SGCD: variants seen among roughly 807,000 people sequenced by gnomAD.
The protein encoded by SGCD is sarcoglycan delta.
SGCD carries 18 observed loss-of-function variants against 36.6 expected under a neutral mutation model. The ratio of observed to expected loss-of-function variants is 0.49; its 90% CI spans 0.34 to 0.73. The LOEUF (loss-of-function observed/expected upper bound fraction) is 0.73, where lower values mean the gene tolerates loss of function less well. SGCD is among the 30% of genes least tolerant of loss of function. SGCD has a pLI of 0.01. For synonymous variants in SGCD, 133 were observed against 130.6 expected, an observed-to-expected ratio of 1.02 and a Z score of -0.12; for missense variants, 387 against 346.7, an observed-to-expected ratio of 1.12 and a Z score of -0.92.
chr5:156,515,137 G>A (rs1028349982), intron 4 of SGCD, among the ~76,000 whole-genome samples: 8 of 151,896 alleles, frequency 5.3e-5, no homozygotes, highest in African/African-American at 1.2e-4. Context: ...TTCCTTTGCT[G>A]TGTTACCTTC....
chr5:156,706,945 C>G (rs771164501), intron 7 of SGCD, among the ~76,000 whole-genome samples: 7 of 152,174 alleles, frequency 4.6e-5, no homozygotes, highest in Non-Finnish European at 8.8e-5. Context: ...TGACTTCATC[C>G]TTCTGTCATT....
intron 7 of SGCD, among the ~76,000 whole-genome samples, chr5:156,650,779 A>G (rs1287221947): frequency 6.6e-6 from 1 of 152,048 alleles, no homozygotes; most frequent in Non-Finnish European, 1.5e-5. Context: ...AGTGTTGTAT[A>G]TTGCAATGAA....
At chr5:156,144,771 C>T (rs1762671682) in intron 3 of SGCD, among the ~76,000 whole-genome samples, 1 of 152,096 alleles carries the variant, frequency 6.6e-6, no homozygotes, top group Non-Finnish European at 1.5e-5. Flanking sequence ...TTTGCTGTAG[C>T]CTCATTCTTT....
At chr5:156,231,379 A>C (rs1256447592) in intron 3 of SGCD, among the ~76,000 whole-genome samples, 1 of 152,138 alleles carries the variant, frequency 6.6e-6, no homozygotes, top group African/African-American at 2.4e-5. Flanking sequence ...TACTAAAAAT[A>C]CAAAAAATTA....
intron 1 of SGCD, among the ~76,000 whole-genome samples, chr5:156,022,696 G>A (rs1385291584): frequency 6.6e-6 from 1 of 152,130 alleles, no homozygotes; most frequent in African/African-American, 2.4e-5. Flanking sequence ...TGTGAGGCAA[G>A]TTACTTTCTA....
At chr5:156,312,838 A>G (rs1490127995) in intron 3 of SGCD, among the ~76,000 whole-genome samples, 1 of 152,074 alleles carries the variant, frequency 6.6e-6, no homozygotes, top group Non-Finnish European at 1.5e-5. Flanking sequence ...TCATTATCTT[A>G]CTCACTGCAC....
At chr5:156,180,337 C>T (rs4342313) in intron 3 of SGCD, among the ~76,000 whole-genome samples, 44,675 of 151,912 alleles carry the variant, frequency 0.29, 7,020 homozygotes, top group East Asian at 0.58. Context: ...CTCATTTAAA[C>T]GTTGTGCTGT....
chr5:156,706,839 T>C (rs1230643105), intron 7 of SGCD, among the ~76,000 whole-genome samples: 1 of 152,160 alleles, frequency 6.6e-6, no homozygotes, highest in Non-Finnish European at 1.5e-5. Context: ...CAGTCTGGTA[T>C]GTTACTCTGA....
At chr5:156,574,077 T>C (rs1759829519) in intron 4 of SGCD, among the ~76,000 whole-genome samples, 1 of 152,182 alleles carries the variant, frequency 6.6e-6, no homozygotes, top group Non-Finnish European at 1.5e-5. Flanking sequence ...GTTTTGCATA[T>C]ATCGTCTTCT....
At chr5:156,311,692 T>G (rs972310415) in intron 3 of SGCD, among the ~76,000 whole-genome samples, 1 of 152,094 alleles carries the variant, frequency 6.6e-6, no homozygotes. Context: ...TCATATTGGG[T>G]TTCTGTATTT....
At chr5:155,876,206 C>G (rs1448900995) in intron 1 of SGCD, among the ~76,000 whole-genome samples, 10 of 116,308 alleles carry the variant, frequency 8.6e-5, no homozygotes, top group African/African-American at 2.9e-4. Flanking sequence ...CCCCTCCCCC[C>G]ACCCCACCAC....
At chr5:156,466,026 T>C (rs1754706856) in intron 3 of SGCD, among the ~76,000 whole-genome samples, 2 of 152,330 alleles carry the variant, frequency 1.3e-5, no homozygotes, top group South Asian at 4.1e-4. Flanking sequence ...TTTGGGACAA[T>C]ATCTTTCAAA....
the SGCD span, among the ~76,000 whole-genome samples, chr5:155,807,378 C>T: frequency 3.9e-5 from 6 of 151,930 alleles, no homozygotes; most frequent in African/African-American, 1.5e-4. Flanking sequence ...GGGCCACCTC[C>T]AGTGTCTCTG....
intron 6 of SGCD, among the ~76,000 whole-genome samples, chr5:156,624,406 C>T (rs1052054209): frequency 7.2e-5 from 11 of 152,072 alleles, no homozygotes; most frequent in Admixed American, 5.9e-4. Flanking sequence ...ACGGTGAAAA[C>T]TCATCTGTAC....
chr5:155,930,664 T>C (rs1458449508), intron 1 of SGCD, among the ~76,000 whole-genome samples: 1 of 152,182 alleles, frequency 6.6e-6, no homozygotes, highest in African/African-American at 2.4e-5. Flanking sequence ...TAAGTTCTGT[T>C]CCACATTTAT....
At chr5:156,052,477 C>A (rs1325306676) in intron 1 of SGCD, among the ~76,000 whole-genome samples, 1 of 146,278 alleles carries the variant, frequency 6.8e-6, no homozygotes, top group African/African-American at 2.5e-5. Context: ...TAAAAGATTA[C>A]TCTGGGTATT....
At chr5:156,166,927 G>A (rs1763228694) in intron 3 of SGCD, among the ~76,000 whole-genome samples, 1 of 152,140 alleles carries the variant, frequency 6.6e-6, no homozygotes, top group Non-Finnish European at 1.5e-5. Flanking sequence ...CAGGGATCTG[G>A]CAATTTTAAA....
chr5:155,908,117 A>C (rs527439167), intron 1 of SGCD, among the ~76,000 whole-genome samples: 1 of 152,150 alleles, frequency 6.6e-6, no homozygotes, highest in Non-Finnish European at 1.5e-5. Flanking sequence ...CTAACTGTAA[A>C]GTATTTTTAA....
At chr5:156,349,105 G>A (rs891238261) in intron 3 of SGCD, among the ~76,000 whole-genome samples, 2 of 151,904 alleles carry the variant, frequency 1.3e-5, no homozygotes, top group Non-Finnish European at 2.9e-5. Context: ...AACTCAAGAT[G>A]GATGAAAGAC....
Sources: allele counts gnomAD v4.1 joint callset (sites outside exome capture counted in the v4.1 genomes callset), GRCh38; gene constraint gnomAD v4.1.1; transcripts MANE v1.5; gene names NCBI Gene and HGNC (gene_info 2026-07-23, HGNC 2026-07-21).